Variants in TET3 observed in about 807,000 individuals in gnomAD.
The protein encoded by TET3 is methylcytosine dioxygenase TET3.
TET3 carries 19 observed loss-of-function variants against 141.4 expected under a neutral mutation model. That is an observed-to-expected ratio of 0.13 (90% CI 0.09 to 0.20). The LOEUF (loss-of-function observed/expected upper bound fraction) is 0.20. Among genes scored for constraint, TET3 ranks in the 10% least tolerant of loss-of-function variants. TET3 has a pLI of 1.00. For missense variants in TET3, 1,874 were observed against 2,356.9 expected (o/e 0.80, Z 4.24); for synonymous variants, 1,043 against 980.9 (o/e 1.06, Z -1.18).
chr2:74,111,843 C>T (rs1691712307), downstream of TET3, among the ~76,000 whole-genome samples: 1 of 152,154 alleles, frequency 6.6e-6, no homozygotes, highest in Admixed American at 6.5e-5. Context: ...ACCTTAAGAC[C>T]CACAAACCCA....
intron 2 of TET3, chr2:73,998,328 A>G (rs1471254340): frequency 6.6e-6 from 1 of 152,254 alleles, no homozygotes; most frequent in African/African-American, 2.4e-5. Flanking sequence ...TTCACAGACT[A>G]TAAGACCTTT....
At chr2:74,034,931 C>G (rs1049669936) in intron 3 of TET3, among the ~76,000 whole-genome samples, 2 of 151,338 alleles carry the variant, frequency 1.3e-5, no homozygotes, top group Non-Finnish European at 2.9e-5. Flanking sequence ...AGTGGCTATG[C>G]CTGTAATCCC....
chr2:74,047,421 G>C lies in TET3; in HGVS notation c.1504G>C (p.Ala502Pro), dbSNP rs1687693948. 6.2e-7 allele frequency: 1 copy of C among 1,612,682 alleles called. No individual in the cohort carries two copies. Among genetic ancestry groups the C allele is most frequent in the Non-Finnish European group, 8.5e-7 (1 of 1,179,738 alleles). Residue 502 changes from alanine (A) to proline (P), a missense_variant, in exon 4 of 12, where the codon GCC (alanine) becomes CCC (proline). By Grantham distance (27) the Ala-to-Pro change is conservative. Transcript: ENST00000409262. The part of the protein sequence containing the change: ...VEAPSSSPAP[A>P]PSPVLQREAP... ...GGCACCCTCTTCCTCCCCGGCCCCGGCCCCATCCCCTGTACTTCAGAGGGA... is the reference window on the plus strand; with the variant it reads ...GGCACCCTCTTCCTCCCCGGCCCCGCCCCCATCCCCTGTACTTCAGAGGGA...
At chr2:74,035,496 C>T (rs1264154723) in intron 3 of TET3, among the ~76,000 whole-genome samples, 4 of 150,324 alleles carry the variant, frequency 2.7e-5, no homozygotes, top group South Asian at 2.1e-4. Flanking sequence ...TTATTGGGGC[C>T]GGGCATGGTG....
At chr2:73,994,824 A>G (rs1026365185) in intron 2 of TET3, among the ~76,000 whole-genome samples, 4 of 151,062 alleles carry the variant, frequency 2.6e-5, no homozygotes, top group African/African-American at 9.7e-5. Context: ...TTTAGTAGAG[A>G]CAGGGTTTCA....
intron 10 of TET3, among the ~76,000 whole-genome samples, chr2:74,095,323 G>T (rs1382021962): frequency 6.6e-6 from 1 of 152,196 alleles, no homozygotes; most frequent in African/African-American, 2.4e-5. Context: ...GAAAGGGCAT[G>T]CCCACAGTGT....
intron 3 of TET3, among the ~76,000 whole-genome samples, chr2:74,044,720 G>A (rs1045535550): frequency 2.4e-4 from 36 of 152,178 alleles, no homozygotes; most frequent in African/African-American, 8.2e-4. Context: ...TCTATTGAAC[G>A]CCTGTCGCAA....
intron 3 of TET3, among the ~76,000 whole-genome samples, chr2:74,044,134 C>T (rs1687490302): frequency 1.3e-5 from 2 of 152,142 alleles, no homozygotes; most frequent in South Asian, 4.1e-4. Context: ...CACACCACTG[C>T]AGGAGTTCAA....
chr2:74,117,120 G>A, the TET3 span, among the ~76,000 whole-genome samples: 2 of 152,092 alleles, frequency 1.3e-5, no homozygotes, highest in Non-Finnish European at 2.9e-5. Context: ...GTGTTTTGAA[G>A]GTAAAGAGAT....
At chr2:73,997,464 G>A (rs946540727) in intron 2 of TET3, among the ~76,000 whole-genome samples, 1 of 152,208 alleles carries the variant, frequency 6.6e-6, no homozygotes, top group Non-Finnish European at 1.5e-5. Context: ...GGTCCTGCCT[G>A]TACTATGTTC....
intron 5 of TET3, among the ~76,000 whole-genome samples, chr2:74,078,169 G>T (rs1689615807): frequency 6.6e-6 from 1 of 152,050 alleles, no homozygotes; most frequent in Non-Finnish European, 1.5e-5. Flanking sequence ...TTTGTGGCCT[G>T]ACAAGAGCTT....
At chr2:74,090,701 G>GACA (rs1690440699) in intron 8 of TET3, among the ~76,000 whole-genome samples, 5 of 152,200 alleles carry the variant, frequency 3.3e-5, no homozygotes, top group Admixed American at 3.3e-4. Context: ...AGGCTGTGGG[G>GACA]GCCGGAGCAT....
chr2:74,117,826 A>T, the TET3 span, among the ~76,000 whole-genome samples: 1 of 151,984 alleles, frequency 6.6e-6, no homozygotes, highest in African/African-American at 2.4e-5. Context: ...GCTCACTGCA[A>T]CCTCTGCCTC....
the TET3 span, among the ~76,000 whole-genome samples, chr2:74,133,562 T>G: frequency 3.9e-5 from 6 of 152,208 alleles, no homozygotes; most frequent in East Asian, 5.8e-4. Flanking sequence ...TCTGTTTGAC[T>G]GGCTGTTGGT....
Position 74,046,904 on chromosome 2 carries a change from C to T in TET3, c.987C>T (p.Pro329=). Residue 329 remains proline (P), a synonymous_variant, in exon 4 of 12, where the codon CCC becomes CCT. Coordinates refer to ENST00000409262, the MANE Select transcript of TET3 (RefSeq NM_001287491.2). This position sits in a 1 kb window ranked among gnomAD's most constrained non-coding sequence, Gnocchi z 4.3. The part of the protein sequence containing the change: ...STRPLLSSEV[P]QISPQEGLPL... Reference sequence around the variant, plus strand: ...GGCCACTCCTCAGCTCAGAGGTGCCCCAGATCTCTCCCCAAGAGGGCCTGC... The same window carrying T: ...GGCCACTCCTCAGCTCAGAGGTGCCTCAGATCTCTCCCCAAGAGGGCCTGC... 1 of 1,613,824 alleles carries T rather than the reference C, an allele frequency of 6.2e-7. No individual in the cohort carries two copies.
At position 74,104,275 on chromosome 2, in the gene TET3, A is replaced by G. The variant is rs1318332067; in HGVS notation, c.*2099A>G. On this transcript the variant is annotated 3_prime_UTR_variant, in exon 12 of 12. Coordinates refer to ENST00000409262, the MANE Select transcript of TET3 (RefSeq NM_001287491.2). The stretch of plus-strand genomic sequence containing the variant: ...TTATTTTACAGGACAAAAAAATGAA[A>G]TATTATTGCTTTTGAAATAAATACC... 6.6e-6 allele frequency: 1 copy of G among 152,160 alleles called. No individual in the cohort carries two copies. The highest frequency in any genetic ancestry group is 1.5e-5 in the Non-Finnish European group (1 of 68,040). The allele number at this position is 152,160 out of a possible 1,614,324, so 9.4% of individuals were successfully genotyped here.
chr2:74,066,601 CT>C (rs1688920331), intron 4 of TET3, among the ~76,000 whole-genome samples: 1 of 149,818 alleles, frequency 6.7e-6, no homozygotes, highest in Non-Finnish European at 1.5e-5. Context: ...AAAGAAACTG[CT>C]TTTAAGAGAC....
Position 74,093,850 on chromosome 2 carries a change from A to G in TET3, c.3267+184A>G, listed in dbSNP as rs745734388. On this transcript the variant is annotated intron_variant, in intron 10 of 11. Coordinates refer to ENST00000409262, the MANE Select transcript of TET3 (RefSeq NM_001287491.2). This position sits in a 1 kb window ranked among gnomAD's most constrained non-coding sequence, Gnocchi z 4.2. The stretch of plus-strand genomic sequence containing the variant: ...CCTCCCAGAGAAAACCTCACCAGAA[A>G]ACCCTTGAACAGACAAGGCTGGCTT... Among the ~76,000 whole-genome samples the G allele has an allele frequency of 6.6e-5, 10 of 152,170 alleles. No homozygotes were observed. The highest frequency in any genetic ancestry group is 1.5e-4 in the Non-Finnish European group (10 of 68,018).
chr2:74,058,932 A>G (rs921466492), intron 4 of TET3, among the ~76,000 whole-genome samples: 3 of 152,252 alleles, frequency 2.0e-5, no homozygotes, highest in Non-Finnish European at 1.5e-5. Flanking sequence ...GTAAAGTTTT[A>G]TGAAAACATG....
Sources: gnomAD v4.1 joint callset for allele counts (sites outside exome capture counted in the v4.1 genomes callset) on GRCh38, gnomAD v4.1.1 for gene constraint, Gnocchi (gnomAD v3.1) non-coding constraint, MANE v1.5 for transcripts, NCBI Gene and HGNC (gene_info 2026-07-23, HGNC 2026-07-21) for gene names.